The following C1QTNF7 variants were observed in gnomAD, a reference collection of about 807,000 sequenced individuals.
C1QTNF7 encodes complement C1q tumor necrosis factor-related protein 7.
Under a neutral mutation model 19.6 loss-of-function variants are expected in C1QTNF7, and 15 were observed. The ratio of observed to expected loss-of-function variants is 0.76; its 90% confidence interval spans 0.51 to 1.18. The LOEUF (loss-of-function observed/expected upper bound fraction) is 1.18, where lower values mean the gene tolerates loss of function less well. Ranked by LOEUF, C1QTNF7 falls within the 50% of genes most tolerant of loss-of-function variation. The pLI, the probability that C1QTNF7 is intolerant of heterozygous loss-of-function variation, is 0.00. For missense variants in C1QTNF7, 324 were observed against 359.7 expected, an observed-to-expected ratio of 0.90 and a Z score of 0.80; for synonymous variants, 142 against 137.5, an observed-to-expected ratio of 1.03 and a Z score of -0.23.
At chr4:15,381,220 A>G (rs1362515513) in intron 1 of C1QTNF7, among the ~76,000 whole-genome samples, 1 of 151,916 alleles carries the variant, frequency 6.6e-6, no homozygotes, top group African/African-American at 2.4e-5. Flanking sequence ...GATCAAGACA[A>G]TCCTGGCTAA....
intron 1 of C1QTNF7, among the ~76,000 whole-genome samples, 152 bp from the exon 2 acceptor site, chr4:15,435,584 G>A (rs1712495792): frequency 6.6e-6 from 1 of 152,136 alleles, no homozygotes; most frequent in South Asian, 2.1e-4. Flanking sequence ...ATGGAATTAT[G>A]AAGGTAAACA....
chr4:15,392,924 A>G (rs1718628056), intron 1 of C1QTNF7, among the ~76,000 whole-genome samples: 1 of 152,196 alleles, frequency 6.6e-6, no homozygotes, highest in South Asian at 2.1e-4. Flanking sequence ...GCCCAGGAAC[A>G]GAGACCCTGA....
At chr4:15,374,248 G>C (rs1265739816) in intron 1 of C1QTNF7, 1 of 152,148 alleles carries the variant, frequency 6.6e-6, no homozygotes, top group Non-Finnish European at 1.5e-5. Flanking sequence ...CAACCGAAGG[G>C]GCTGGGCTGC....
At chr4:15,406,014 A>C (rs1041738961) in intron 1 of C1QTNF7, among the ~76,000 whole-genome samples, 8 of 152,156 alleles carry the variant, frequency 5.3e-5, no homozygotes, top group African/African-American at 1.9e-4. Flanking sequence ...GCCTCCTCAA[A>C]GACACCTCTG....
upstream of C1QTNF7, among the ~76,000 whole-genome samples, chr4:15,427,464 A>G (rs80214452): frequency 2.0e-5 from 3 of 152,196 alleles, no homozygotes; most frequent in East Asian, 1.9e-4. Context: ...TTCTAAAAAT[A>G]CCCAATCATT....
chr4:15,404,940 C>T (rs1719139040), intron 1 of C1QTNF7, among the ~76,000 whole-genome samples: 1 of 152,146 alleles, frequency 6.6e-6, no homozygotes, highest in South Asian at 2.1e-4. Context: ...TTTTAATGTA[C>T]ATTGAGATAT....
At chr4:15,407,499 C>T (rs1719235564) in intron 1 of C1QTNF7, among the ~76,000 whole-genome samples, 1 of 152,182 alleles carries the variant, frequency 6.6e-6, no homozygotes, top group Admixed American at 6.5e-5. Flanking sequence ...AAGTGGAGGA[C>T]ACCTGGCCAG....
At chr4:15,389,065 C>A (rs1023884716) in intron 1 of C1QTNF7, among the ~76,000 whole-genome samples, 8 of 152,082 alleles carry the variant, frequency 5.3e-5, no homozygotes, top group Non-Finnish European at 2.9e-5. Context: ...TCAGTCAGGA[C>A]AAGAAGGTAA....
chr4:15,353,147 G>T (rs1301354437), intron 1 of C1QTNF7, among the ~76,000 whole-genome samples: 1 of 152,042 alleles, frequency 6.6e-6, no homozygotes, highest in Admixed American at 6.6e-5. Flanking sequence ...GCAAAATATT[G>T]TTTTCTCTCC....
chr4:15,406,448 T>C (rs909796402), intron 1 of C1QTNF7, among the ~76,000 whole-genome samples: 1 of 152,116 alleles, frequency 6.6e-6, no homozygotes, highest in South Asian at 2.1e-4. Flanking sequence ...TGCTCGCTGC[T>C]CTCAAAGGAG....
Position 15,442,210 on chromosome 4 carries a change from A to C in C1QTNF7, c.281A>C (p.Lys94Thr), listed in dbSNP as rs781548301. 2.0e-5 allele frequency: 32 copies of C among 1,613,326 alleles called. No individual in the cohort carries two copies. Among genetic ancestry groups the C allele is most frequent in the Non-Finnish European group, 2.2e-5 (26 of 1,179,810 alleles). Residue 94 changes from lysine to threonine, a missense_variant, in exon 3 of 3, where the codon AAA (lysine) becomes ACA (threonine). Physicochemically the swap from Lys to Thr is moderately conservative, Grantham distance 78. Coordinates refer to ENST00000444304, the MANE Select transcript of C1QTNF7 (RefSeq NM_031911.5). Reference sequence around the variant, plus strand: ...GGACCGCTAGGTCTTGCCGGTGAGAAAGGGGACCAAGGAGAGACTGGGAAG... The same window carrying C: ...GGACCGCTAGGTCTTGCCGGTGAGACAGGGGACCAAGGAGAGACTGGGAAG... ...KTGPLGLAGE[K>T]GDQGETGKKG... is the part of the protein sequence containing the mutation.
At chr4:15,420,665 C>G (rs554352404) in intron 1 of C1QTNF7, among the ~76,000 whole-genome samples, 1 of 152,216 alleles carries the variant, frequency 6.6e-6, no homozygotes, top group African/African-American at 2.4e-5. Context: ...TCCTCAGAGT[C>G]TTTTGCCCAA....
At chr4:15,348,749 CT>C (rs1404975557) in intron 1 of C1QTNF7, among the ~76,000 whole-genome samples, 1 of 152,190 alleles carries the variant, frequency 6.6e-6, no homozygotes, top group African/African-American at 2.4e-5. Flanking sequence ...TAAATCCTTG[CT>C]GTTTTTGACC....
upstream of C1QTNF7, among the ~76,000 whole-genome samples, chr4:15,425,445 T>C (rs1275097077): frequency 1.3e-5 from 2 of 152,054 alleles, no homozygotes; most frequent in African/African-American, 2.4e-5. Flanking sequence ...GGAGACATGG[T>C]TGGTAATGGC....
intron 1 of C1QTNF7, among the ~76,000 whole-genome samples, chr4:15,369,496 GCCT>G (rs1717645967): frequency 6.6e-6 from 1 of 152,088 alleles, no homozygotes; most frequent in African/African-American, 2.4e-5. Context: ...TGATAGCTTA[GCCT>G]CCTCCTATCC....
intron 1 of C1QTNF7, among the ~76,000 whole-genome samples, chr4:15,368,855 T>C (rs1382793421): frequency 6.6e-6 from 1 of 152,258 alleles, no homozygotes; most frequent in Non-Finnish European, 1.5e-5. Context: ...TGGTTGCAAG[T>C]AGCAAAGACT....
chr4:15,344,474 T>C (rs927391086), intron 1 of C1QTNF7, among the ~76,000 whole-genome samples: 1 of 152,106 alleles, frequency 6.6e-6, no homozygotes, highest in Non-Finnish European at 1.5e-5. Flanking sequence ...ATCTCAACAG[T>C]CTTTCAAAAT....
intron 1 of C1QTNF7, among the ~76,000 whole-genome samples, chr4:15,398,738 CAGA>C (rs1718879324): frequency 6.6e-6 from 1 of 152,156 alleles, no homozygotes; most frequent in African/African-American, 2.4e-5. Context: ...GGGCATAAAG[CAGA>C]AGGAGAGACT....
At chr4:15,416,502 G>A (rs765896915) in intron 1 of C1QTNF7, among the ~76,000 whole-genome samples, 2 of 152,134 alleles carry the variant, frequency 1.3e-5, no homozygotes, top group South Asian at 2.1e-4. Context: ...ATGCTGACAC[G>A]TGCACAGTGC....
Sources: gnomAD v4.1 joint callset for allele counts (sites outside exome capture counted in the v4.1 genomes callset) on GRCh38, gnomAD v4.1.1 for gene constraint, MANE v1.5 for transcripts, NCBI Gene and HGNC (gene_info 2026-07-23, HGNC 2026-07-21) for gene names.